The following SVIL variants were observed in gnomAD, a reference collection of about 807,000 sequenced individuals.
SVIL encodes the protein supervillin, also known as archvillin.
A neutral mutation model predicts 240.4 loss-of-function variants in SVIL; 101 were observed. That is an observed-to-expected ratio of 0.42 (90% CI 0.36 to 0.50). The LOEUF is 0.50. Among genes scored for constraint, SVIL ranks in the 20% least tolerant of loss-of-function variants. The probability of loss-of-function intolerance (pLI) is 0.01; values close to 1 mark genes in which losing one functional copy is unlikely to be tolerated. For synonymous variants in SVIL, 999 were observed against 1,100.0 expected (o/e 0.91, Z 1.82); for missense variants, 2,512 against 2,818.7 (o/e 0.89, Z 2.46).
rs1588970086 is a variant in SVIL at position 29,493,473 on chromosome 10, A to G, written c.3842-82T>C. 10 of 1,458,774 alleles carry G rather than the reference A, an allele frequency of 6.9e-6. No homozygotes were observed. The East Asian group carries it at 2.1e-4, about 31-fold the overall frequency. The allele number at this position is 1,458,774 out of a possible 1,614,324, so 90.4% of individuals were successfully genotyped here. On this transcript the variant is annotated intron_variant, in intron 20 of 37. Transcript: ENST00000355867. ...TGCTTCACAATAGTTTAAAAATTCT[A>G]TTGCCTCCTAAGTTCCAGGAGTGGA...
chr10:29,729,398 G>T (rs1040855739), intron 1 of SVIL, among the ~76,000 whole-genome samples: 1 of 151,852 alleles, frequency 6.6e-6, no homozygotes, highest in South Asian at 2.1e-4. Flanking sequence ...GCTGGGCTGG[G>T]TGAAAAAGGA....
At chr10:29,530,361 C>A (rs1359603357) in intron 11 of SVIL, among the ~76,000 whole-genome samples, 6 of 152,112 alleles carry the variant, frequency 3.9e-5, no homozygotes, top group Non-Finnish European at 7.3e-5. Context: ...AGGAAGAGAA[C>A]AACAGGTGGG....
intron 13 of SVIL, among the ~76,000 whole-genome samples, chr10:29,526,117 C>T (rs1589115577): frequency 6.6e-6 from 1 of 152,132 alleles, no homozygotes; most frequent in East Asian, 1.9e-4. Context: ...TACGTTTAGA[C>T]ACTACAAATT....
Position 29,597,835 on chromosome 10 carries a change from G to A in SVIL, c.-200-28523C>T, listed in dbSNP as rs141269936. On this transcript the variant is annotated intron_variant, in intron 1 of 37. Transcript: ENST00000355867. ...TGCTGTGGACCCTTACAGATTCACA[G>A]CCGGTAACTCAGGGTAACTCACATC... 1.4e-4 allele frequency among the ~76,000 whole-genome samples: 21 copies of A among 152,098 alleles called. No homozygotes were observed. In the East Asian group the frequency reaches 1.5e-3, roughly 11 times the overall value.
At chr10:29,471,051 C>T in intron 31 of SVIL, 87 bp downstream of exon 31, 1 of 1,239,272 alleles carries the variant, frequency 8.1e-7, no homozygotes, top group Non-Finnish European at 1.2e-6. Flanking sequence ...TAGATGAAGA[C>T]AGACTCACTT....
chr10:29,530,174 T>C (rs1696014595), intron 11 of SVIL, among the ~76,000 whole-genome samples: 1 of 151,328 alleles, frequency 6.6e-6, no homozygotes, highest in Non-Finnish European at 1.5e-5. Flanking sequence ...ACCCTATCTC[T>C]AAAAAAAAAT....
chr10:29,478,690 G>A (rs1471438006), intron 29 of SVIL, among the ~76,000 whole-genome samples: 1 of 151,992 alleles, frequency 6.6e-6, no homozygotes, highest in East Asian at 1.9e-4. Flanking sequence ...GGAGGCTGAA[G>A]TGGGAGGATG....
chr10:29,565,985 A>G (rs1954931800), intron 2 of SVIL, among the ~76,000 whole-genome samples: 1 of 152,224 alleles, frequency 6.6e-6, no homozygotes, highest in African/African-American at 2.4e-5. Context: ...TCAAATGAAT[A>G]CTACAATTCA....
intron 1 of SVIL, among the ~76,000 whole-genome samples, chr10:29,731,789 G>A (rs571689855): frequency 3.9e-5 from 6 of 152,154 alleles, no homozygotes; most frequent in Admixed American, 3.3e-4. Context: ...TAACAAAGGC[G>A]CCTGTCTTTT....
intron 1 of SVIL, among the ~76,000 whole-genome samples, chr10:29,710,220 C>A (rs10159588): frequency 0.62 from 93,909 of 151,660 alleles, 29,294 homozygotes; most frequent in East Asian, 0.81. Context: ...TGCCCGGCTA[C>A]CTTTTTAATT....
chr10:29,603,946 T>G (rs1956910760), intron 1 of SVIL, among the ~76,000 whole-genome samples: 1 of 152,160 alleles, frequency 6.6e-6, no homozygotes, highest in South Asian at 2.1e-4. Context: ...CATTTGTAAT[T>G]TTTTGACTCA....
At chr10:29,564,588 G>A (rs770160479) in intron 2 of SVIL, among the ~76,000 whole-genome samples, 1 of 152,116 alleles carries the variant, frequency 6.6e-6, no homozygotes, top group Non-Finnish European at 1.5e-5. Flanking sequence ...AAGCCACTGC[G>A]CATACTGTGT....
In SVIL at chr10:29,472,569, G is replaced by A. The variant is rs376999526; in HGVS notation, c.5529+1269C>T. On this transcript the variant is annotated intron_variant, in intron 30 of 37. Coordinates refer to ENST00000355867, the MANE Select transcript of SVIL (RefSeq NM_021738.3). The stretch of plus-strand genomic sequence containing the variant: ...CTCAGCAAGTTAACTCTTAATTGCT[G>A]GTACTCTACAGAGCAGAGGAGACTC... Among the ~76,000 whole-genome samples the A allele has an allele frequency of 6.6e-4, 100 of 152,344 alleles. 2 individuals are homozygous for A. In the South Asian group the frequency reaches 0.017, roughly 25 times the overall value.
intron 1 of SVIL, among the ~76,000 whole-genome samples, chr10:29,617,561 A>T (rs2048625721): frequency 6.8e-6 from 1 of 146,092 alleles, no homozygotes; most frequent in South Asian, 2.2e-4. Context: ...AGCCTGGGCG[A>T]AAAAGGAAAA....
intron 1 of SVIL, among the ~76,000 whole-genome samples, chr10:29,723,043 C>T (rs561725945): frequency 8.5e-5 from 13 of 152,248 alleles, no homozygotes; most frequent in African/African-American, 2.4e-4. Flanking sequence ...GTGAAAATCC[C>T]GGCAGACTGC....
At chr10:29,461,570 CTA>C (rs1491565970) in intron 36 of SVIL, among the ~76,000 whole-genome samples, 7 of 152,100 alleles carry the variant, frequency 4.6e-5, no homozygotes, top group Non-Finnish European at 1.0e-4. Flanking sequence ...GGTAAAAAAC[CTA>C]TCTCTCACCA....
intron 1 of SVIL, among the ~76,000 whole-genome samples, chr10:29,704,298 T>C (rs1962739238): frequency 1.3e-5 from 2 of 152,226 alleles, no homozygotes; most frequent in African/African-American, 4.8e-5. Context: ...TGTGTGTGTA[T>C]GTGTGTTCAC....
At chr10:29,464,328 A>C (rs1490738877) in intron 34 of SVIL, among the ~76,000 whole-genome samples, 1 of 152,072 alleles carries the variant, frequency 6.6e-6, no homozygotes, top group Non-Finnish European at 1.5e-5. Flanking sequence ...AGTCTCCACT[A>C]CTCAGGAAGC....
At chr10:29,658,274 A>G (rs1256633448) in intron 2 of SVIL, among the ~76,000 whole-genome samples, 1 of 152,234 alleles carries the variant, frequency 6.6e-6, no homozygotes, top group Non-Finnish European at 1.5e-5. Flanking sequence ...CCTCTTATAA[A>G]AAGTGCTCAA....
Sources: gnomAD v4.1 joint callset for allele counts (sites outside exome capture counted in the v4.1 genomes callset) on GRCh38, gnomAD v4.1.1 for gene constraint, MANE v1.5 for transcripts, NCBI Gene and HGNC (gene_info 2026-07-23, HGNC 2026-07-21) for gene names.